The following SHISA9 variants were observed in gnomAD, a reference collection of about 807,000 sequenced individuals.
SHISA9 encodes shisa family member 9, also known as protein shisa-9.
SHISA9 carries 13 observed loss-of-function variants against 38.0 expected under a neutral mutation model. The observed-to-expected ratio is 0.34, with a 90% CI of 0.22 to 0.54. The LOEUF (loss-of-function observed/expected upper bound fraction) is 0.54. Among genes scored for constraint, SHISA9 ranks in the 20% least tolerant of loss-of-function variants. SHISA9 has a pLI of 0.91. For missense variants in SHISA9, 538 were observed against 575.8 expected (o/e 0.93, Z 0.67); for synonymous variants, 275 against 242.0 (o/e 1.14, Z -1.27).
At chr16:12,988,070 G>A (rs1195767295) in intron 2 of SHISA9, among the ~76,000 whole-genome samples, 1 of 152,210 alleles carries the variant, frequency 6.6e-6, no homozygotes, top group African/African-American at 2.4e-5. Flanking sequence ...GCAAGACCCT[G>A]AAGCCAGGTC....
At chr16:13,034,472 G>A (rs888948896) in intron 2 of SHISA9, among the ~76,000 whole-genome samples, 2 of 152,184 alleles carry the variant, frequency 1.3e-5, no homozygotes, top group African/African-American at 4.8e-5. Flanking sequence ...TTTGGCCTTA[G>A]TCCAGAAGAA....
At chr16:13,178,914 C>G (rs2050754846) in intron 2 of SHISA9, among the ~76,000 whole-genome samples, 1 of 152,008 alleles carries the variant, frequency 6.6e-6, no homozygotes, top group Non-Finnish European at 1.5e-5. Context: ...TCTAGAAAAG[C>G]CTGATGTTAA....
the SHISA9 span, among the ~76,000 whole-genome samples, chr16:13,511,824 C>T: frequency 1.3e-5 from 2 of 152,206 alleles, no homozygotes; most frequent in African/African-American, 4.8e-5. Flanking sequence ...CTGAAGAAAT[C>T]CCTCTCAAGT....
At chr16:13,244,211 C>CAA (rs1015731054), downstream of SHISA9, among the ~76,000 whole-genome samples, 4 of 151,650 alleles carry the variant, frequency 2.6e-5, no homozygotes, top group South Asian at 8.4e-4. Flanking sequence ...CATAGAATTA[C>CAA]AAAAAAAACC....
chr16:13,000,693 A>G (rs1045037278), intron 2 of SHISA9, among the ~76,000 whole-genome samples: 1 of 152,142 alleles, frequency 6.6e-6, no homozygotes, highest in African/African-American at 2.4e-5. Context: ...ACGGGGGATG[A>G]CGCATGGGGA....
In SHISA9 at chr16:12,908,356, C is replaced by T. The variant is rs959219565; in HGVS notation, c.563+5729C>T. ...AGGAGGGAGGGTCTATATGTGACTA[C>T]GTTAAATACATTGCAAAGTGTTGGC... On this transcript the variant is annotated intron_variant, in intron 1 of 4. Transcript: ENST00000558583. 2.0e-5 allele frequency: 29 copies of T among 1,455,234 alleles called. 1 individual carries two copies. The South Asian group carries it at 2.7e-4, about 14-fold the overall frequency. 90.1% of individuals were successfully genotyped at this position (1,455,234 alleles called of 1,614,324 possible). A position where few individuals can be genotyped will look rare whatever the true frequency, so the allele number is the denominator to read the frequency against.
the SHISA9 span, among the ~76,000 whole-genome samples, chr16:13,267,359 G>C: frequency 3.3e-5 from 5 of 152,110 alleles, no homozygotes; most frequent in African/African-American, 1.2e-4. Flanking sequence ...TTTTCAGCTG[G>C]CAAATGTATA....
intron 4 of SHISA9, among the ~76,000 whole-genome samples, chr16:13,221,998 G>A (rs1149408): frequency 0.47 from 71,790 of 151,928 alleles, 17,785 homozygotes; most frequent in East Asian, 0.75. Flanking sequence ...GTTCCACATG[G>A]CTGGGGAGGC....
intron 2 of SHISA9, among the ~76,000 whole-genome samples, chr16:13,069,356 A>G (rs1368796423): frequency 6.6e-6 from 1 of 151,830 alleles, no homozygotes; most frequent in Non-Finnish European, 1.5e-5. Context: ...GTATGTATAT[A>G]TGTGCATGTG....
chr16:13,420,245 C>CAAAAAAAAAAAAAAAAAAA, the SHISA9 span, among the ~76,000 whole-genome samples: 1 of 50,392 alleles, frequency 2.0e-5, no homozygotes, highest in Non-Finnish European at 3.3e-5. Flanking sequence ...GAATCTGTTT[C>CAAAAAAAAAAAAAAAAAAA]AAAAAAAAAA....
the SHISA9 span, among the ~76,000 whole-genome samples, chr16:13,339,471 T>C: frequency 6.6e-6 from 1 of 152,202 alleles, no homozygotes; most frequent in Non-Finnish European, 1.5e-5. Flanking sequence ...TCTCTGAGCC[T>C]CAGTCCTTAT....
At chr16:13,045,094 T>G (rs2073171772) in intron 2 of SHISA9, among the ~76,000 whole-genome samples, 2 of 152,188 alleles carry the variant, frequency 1.3e-5, no homozygotes, top group Admixed American at 6.5e-5. Context: ...TACCTCATAG[T>G]GTAGTTATAG....
intron 2 of SHISA9, among the ~76,000 whole-genome samples, chr16:13,143,399 T>C (rs915097909): frequency 1.8e-4 from 27 of 152,166 alleles, no homozygotes; most frequent in Admixed American, 1.8e-3. Context: ...CCCGTACCTA[T>C]CCTTCTGGAA....
At chr16:13,101,251 G>C (rs1292276795) in intron 2 of SHISA9, among the ~76,000 whole-genome samples, 1 of 152,188 alleles carries the variant, frequency 6.6e-6, no homozygotes, top group Non-Finnish European at 1.5e-5. Flanking sequence ...AAGATGGTAG[G>C]TGTTAAGTGT....
intron 2 of SHISA9, among the ~76,000 whole-genome samples, chr16:13,173,713 G>T (rs1355197668): frequency 6.6e-6 from 1 of 152,158 alleles, no homozygotes; most frequent in Non-Finnish European, 1.5e-5. Context: ...GTTTTCCCAA[G>T]ATGTCAATTG....
chr16:12,921,560 G>A (rs147335415), intron 2 of SHISA9, among the ~76,000 whole-genome samples: 69 of 152,242 alleles, frequency 4.5e-4, no homozygotes, highest in Middle Eastern at 6.8e-3. Flanking sequence ...TCAGGAGTTC[G>A]AGACCAGCCT....
intron 2 of SHISA9, among the ~76,000 whole-genome samples, chr16:13,165,855 G>A (rs2050630998): frequency 6.6e-6 from 1 of 152,180 alleles, no homozygotes; most frequent in Non-Finnish European, 1.5e-5. Context: ...AATAAATCAT[G>A]TCAACAGATC....
chr16:13,430,764 T>G, the SHISA9 span, among the ~76,000 whole-genome samples: 1 of 150,894 alleles, frequency 6.6e-6, no homozygotes, highest in Non-Finnish European at 1.5e-5. Context: ...AAAAATTTTG[T>G]TTTGATTAGC....
chr16:13,335,982 G>A, the SHISA9 span, among the ~76,000 whole-genome samples: 6 of 152,162 alleles, frequency 3.9e-5, no homozygotes, highest in East Asian at 1.9e-4. Flanking sequence ...ATCATGTGCC[G>A]CCTGACAACC....
Sources: gnomAD v4.1 joint callset for allele counts (sites outside exome capture counted in the v4.1 genomes callset) on GRCh38, gnomAD v4.1.1 for gene constraint, MANE v1.5 for transcripts, NCBI Gene and HGNC (gene_info 2026-07-23, HGNC 2026-07-21) for gene names.